The following CTNNA3 variants were observed in gnomAD, a reference collection of about 807,000 sequenced individuals.
The protein encoded by CTNNA3 is catenin alpha 3.
In CTNNA3, 76 loss-of-function variants were observed where a neutral mutation model predicts 95.7. The observed-to-expected ratio is 0.79, with a 90% confidence interval of 0.66 to 0.96. The LOEUF is 0.96. CTNNA3 is among the 40% of genes least tolerant of loss of function. The pLI is 0.00. For synonymous variants in CTNNA3, 431 were observed against 374.4 expected (o/e 1.15, Z -1.74); for missense variants, 1,191 against 1,089.8 (o/e 1.09, Z -1.31).
intron 5 of CTNNA3, among the ~76,000 whole-genome samples, chr10:67,234,094 A>C (rs1174326663): frequency 6.6e-6 from 1 of 152,298 alleles, no homozygotes; most frequent in Admixed American, 6.5e-5. Flanking sequence ...ACAAGGAGGA[A>C]CTGGTACCAT....
At chr10:66,167,975 A>G (rs900012758) in intron 13 of CTNNA3, among the ~76,000 whole-genome samples, 1 of 152,168 alleles carries the variant, frequency 6.6e-6, no homozygotes, top group African/African-American at 2.4e-5. Context: ...CATAGATGCA[A>G]TCATGGGTTT....
chr10:66,616,686 C>A (rs747715301), intron 10 of CTNNA3, among the ~76,000 whole-genome samples: 1 of 152,032 alleles, frequency 6.6e-6, no homozygotes. Context: ...CTGAAACCTA[C>A]GTGAATTCAA....
At chr10:67,511,808 G>A (rs1309923190) in intron 5 of CTNNA3, among the ~76,000 whole-genome samples, 2 of 152,172 alleles carry the variant, frequency 1.3e-5, no homozygotes, top group African/African-American at 4.8e-5. Flanking sequence ...GAATTCGGCT[G>A]TGAATGTGTC....
chr10:66,558,895 C>A (rs1361821938), intron 10 of CTNNA3, among the ~76,000 whole-genome samples: 2 of 152,008 alleles, frequency 1.3e-5, no homozygotes, highest in African/African-American at 4.8e-5. Context: ...TCTCTTGGAG[C>A]TGCTGATCCA....
At chr10:67,615,944 G>A (rs147934749) in intron 2 of CTNNA3, among the ~76,000 whole-genome samples, 87 of 152,226 alleles carry the variant, frequency 5.7e-4, no homozygotes, top group African/African-American at 1.4e-3. Flanking sequence ...GATTACAGGC[G>A]TGAGCCACTG....
intron 12 of CTNNA3, among the ~76,000 whole-genome samples, chr10:66,330,965 T>C (rs1377379789): frequency 6.6e-6 from 1 of 152,116 alleles, no homozygotes; most frequent in East Asian, 1.9e-4. Context: ...TTCTGGATAT[T>C]AGCCCTTTGT....
At chr10:67,684,930 A>G (rs1179627689) in intron 1 of CTNNA3, among the ~76,000 whole-genome samples, 1 of 152,140 alleles carries the variant, frequency 6.6e-6, no homozygotes, top group Middle Eastern at 3.2e-3. Flanking sequence ...TTTCCTGTAA[A>G]CGCTGGGCGG....
chr10:66,632,267 G>A (rs918550234), intron 9 of CTNNA3, among the ~76,000 whole-genome samples: 7 of 152,032 alleles, frequency 4.6e-5, no homozygotes, highest in Non-Finnish European at 8.8e-5. Context: ...TAAAAATGGG[G>A]AATGGGCTGG....
At chr10:66,604,845 C>T (rs1246908494) in intron 10 of CTNNA3, among the ~76,000 whole-genome samples, 1 of 150,724 alleles carries the variant, frequency 6.6e-6, no homozygotes, top group Admixed American at 6.6e-5. Flanking sequence ...AACATTAGTC[C>T]ACAAAGATGA....
intron 9 of CTNNA3, among the ~76,000 whole-genome samples, chr10:66,732,984 C>T (rs556403080): frequency 1.3e-5 from 2 of 151,784 alleles, no homozygotes; most frequent in African/African-American, 4.8e-5. Flanking sequence ...TTAGTAGAGA[C>T]GAGGTTTCAC....
At chr10:67,691,345 G>A (rs1022332960) in intron 1 of CTNNA3, among the ~76,000 whole-genome samples, 3 of 152,122 alleles carry the variant, frequency 2.0e-5, no homozygotes, top group African/African-American at 7.2e-5. Context: ...ATCTCCGCCT[G>A]GCCGCCCATC....
chr10:67,041,748 A>G (rs116130285), intron 7 of CTNNA3, among the ~76,000 whole-genome samples: 2,566 of 152,272 alleles, frequency 0.017, 70 homozygotes, highest in African/African-American at 0.057. Context: ...TTGATGACTC[A>G]TAGATAAATA....
chr10:66,388,801 A>G (rs1375655179), intron 11 of CTNNA3, among the ~76,000 whole-genome samples: 2 of 152,156 alleles, frequency 1.3e-5, no homozygotes, highest in African/African-American at 2.4e-5. Context: ...AAATAATTAG[A>G]AAAGGTTCAC....
chr10:67,662,761 T>C (rs1036299211), intron 1 of CTNNA3, among the ~76,000 whole-genome samples: 3 of 152,214 alleles, frequency 2.0e-5, no homozygotes, highest in Non-Finnish European at 4.4e-5. Flanking sequence ...GGGGATATTC[T>C]ATTTGATTGT....
intron 10 of CTNNA3, among the ~76,000 whole-genome samples, chr10:66,596,685 T>C (rs74143429): frequency 0.016 from 2,468 of 152,220 alleles, 74 homozygotes; most frequent in African/African-American, 0.056. Flanking sequence ...GTCAAGGTTT[T>C]TCTTTCCTAA....
chr10:65,996,216 T>G (rs1272281754), intron 15 of CTNNA3, among the ~76,000 whole-genome samples: 1 of 152,102 alleles, frequency 6.6e-6, no homozygotes, highest in African/African-American at 2.4e-5. Flanking sequence ...ATGTGCAAGT[T>G]GAGGATTGCT....
chr10:67,590,648 C>G (rs1842762198), intron 3 of CTNNA3, among the ~76,000 whole-genome samples: 1 of 152,056 alleles, frequency 6.6e-6, no homozygotes. Flanking sequence ...TGAGGACAGA[C>G]ATCTCTTTAT....
chr10:66,437,120 A>G (rs1369267525), intron 11 of CTNNA3, among the ~76,000 whole-genome samples: 1 of 151,736 alleles, frequency 6.6e-6, no homozygotes, highest in Non-Finnish European at 1.5e-5. Flanking sequence ...TGCTCTTAAC[A>G]TTTTTTCCTT....
At chr10:66,033,199 C>T (rs550402851) in intron 15 of CTNNA3, among the ~76,000 whole-genome samples, 5 of 145,060 alleles carry the variant, frequency 3.4e-5, no homozygotes, top group Admixed American at 1.4e-4. Flanking sequence ...GGCGCTATCT[C>T]GGCTCACTGC....
Sources: gnomAD v4.1 joint callset for allele counts (sites outside exome capture counted in the v4.1 genomes callset) on GRCh38, gnomAD v4.1.1 for gene constraint, MANE v1.5 for transcripts, NCBI Gene and HGNC (gene_info 2026-07-23, HGNC 2026-07-21) for gene names.